The following CNTN5 variants were observed in gnomAD, a reference collection of about 807,000 sequenced individuals.
CNTN5 encodes the protein contactin-5.
CNTN5 carries 77 observed loss-of-function variants against 129.1 expected under a neutral mutation model. That is an observed-to-expected ratio of 0.60 (90% CI 0.50 to 0.72). CNTN5 has a LOEUF of 0.72. Ranked by LOEUF, CNTN5 falls within the 30% of genes least tolerant of loss-of-function variation. CNTN5 has a pLI of 0.00. For missense variants in CNTN5, 1,478 were observed against 1,328.8 expected, an observed-to-expected ratio of 1.11 and a Z score of -1.75; for synonymous variants, 509 against 465.6, an observed-to-expected ratio of 1.09 and a Z score of -1.20.
At chr11:99,544,288 G>A (rs1948215245) in intron 2 of CNTN5, among the ~76,000 whole-genome samples, 1 of 152,114 alleles carries the variant, frequency 6.6e-6, no homozygotes, top group Non-Finnish European at 1.5e-5. Context: ...CACTAGGCCC[G>A]ACTTCCAACA....
intron 2 of CNTN5, among the ~76,000 whole-genome samples, chr11:99,541,994 G>GA (rs1356299523): frequency 7.4e-6 from 1 of 135,856 alleles, no homozygotes; most frequent in Non-Finnish European, 1.6e-5. Context: ...AGAAAAGAAA[G>GA]AAATGTGGGG....
chr11:99,204,657 A>G (rs1005741792), intron 1 of CNTN5, among the ~76,000 whole-genome samples: 1 of 152,228 alleles, frequency 6.6e-6, no homozygotes, highest in African/African-American at 2.4e-5. Context: ...GAAGAGCTTA[A>G]GAGCCAGAAC....
At chr11:99,285,815 A>T (rs746283874) in intron 1 of CNTN5, among the ~76,000 whole-genome samples, 28 of 152,116 alleles carry the variant, frequency 1.8e-4, no homozygotes, top group Non-Finnish European at 4.1e-4. Context: ...ATGCAGGCAG[A>T]TCACCTGAGT....
intron 3 of CNTN5, among the ~76,000 whole-genome samples, chr11:99,718,362 G>A (rs373637436): frequency 6.6e-6 from 1 of 152,062 alleles, no homozygotes; most frequent in East Asian, 1.9e-4. Flanking sequence ...CTACAAATTT[G>A]TCTTAGCAGC....
chr11:100,071,524 A>G lies in CNTN5; in HGVS notation c.1300-181A>G, dbSNP rs753692771. 5.3e-5 allele frequency among the ~76,000 whole-genome samples: 8 copies of G among 152,332 alleles called. No homozygotes were observed. The East Asian group carries it at 1.3e-3, about 26-fold the overall frequency. On this transcript the variant is annotated intron_variant, in intron 11 of 24. Coordinates refer to ENST00000524871, the MANE Select transcript of CNTN5 (RefSeq NM_014361.4). ...TTTCTTTTTCAACCAATAAATAACTATAATTTACAAGTGGCATGTTATAAT... is the reference window on the plus strand; with the variant it reads ...TTTCTTTTTCAACCAATAAATAACTGTAATTTACAAGTGGCATGTTATAAT...
chr11:99,856,513 T>C (rs140279076), intron 6 of CNTN5, among the ~76,000 whole-genome samples: 1 of 152,280 alleles, frequency 6.6e-6, no homozygotes, highest in Non-Finnish European at 1.5e-5. Context: ...TCAGATGTGA[T>C]CAGAGTAACT....
chr11:100,045,718 A>AT (rs1360639775), intron 9 of CNTN5, among the ~76,000 whole-genome samples: 21 of 131,316 alleles, frequency 1.6e-4, no homozygotes, highest in Admixed American at 6.2e-4. Context: ...TACATTTATT[A>AT]TTAAAAAAAA....
chr11:99,865,954 G>T (rs980479762), intron 6 of CNTN5, among the ~76,000 whole-genome samples: 25 of 152,044 alleles, frequency 1.6e-4, no homozygotes, highest in African/African-American at 6.0e-4. Flanking sequence ...TATTACTGTT[G>T]TTATTTATAT....
intron 1 of CNTN5, among the ~76,000 whole-genome samples, chr11:99,237,176 A>G (rs1211143321): frequency 6.6e-6 from 1 of 152,026 alleles, no homozygotes; most frequent in African/African-American, 2.4e-5. Flanking sequence ...AAAAATATAT[A>G]TCTACTCTTT....
At chr11:99,608,744 C>T (rs1056428958) in intron 3 of CNTN5, among the ~76,000 whole-genome samples, 4 of 152,142 alleles carry the variant, frequency 2.6e-5, no homozygotes, top group African/African-American at 9.7e-5. Flanking sequence ...TAGCCCTAGT[C>T]AGCTATTACA....
chr11:99,863,241 G>A (rs904509196), intron 6 of CNTN5, among the ~76,000 whole-genome samples: 40 of 152,100 alleles, frequency 2.6e-4, no homozygotes, highest in African/African-American at 8.2e-4. Flanking sequence ...GAAAAAAGCA[G>A]ATGCTTTTCT....
chr11:99,102,713 A>G (rs1591192964), intron 1 of CNTN5, among the ~76,000 whole-genome samples: 1 of 152,182 alleles, frequency 6.6e-6, no homozygotes, highest in African/African-American at 2.4e-5. Context: ...ATTTTGGTCA[A>G]AGCCATTCAA....
chr11:100,299,231 C>A lies in CNTN5; in HGVS notation c.2455C>A (p.Arg819Ser). Residue 819 changes from arginine (R) to serine (S), a missense_variant, in exon 20 of 25, where the codon CGT (arginine) becomes AGT (serine). Transcript: ENST00000524871. ...TGTGGCTTTCAGACCCAATGGAACACGTGGCTGGAAGGAAAAAATGGTGAC... is the reference window on the plus strand; with the variant it reads ...TGTGGCTTTCAGACCCAATGGAACAAGTGGCTGGAAGGAAAAAATGGTGAC... Reference protein sequence around the residue: ...YIVAFRPNGTRGWKEKMVTSS... With the variant: ...YIVAFRPNGTSGWKEKMVTSS... 6.2e-7 allele frequency: 1 copy of A among 1,610,012 alleles called. No homozygotes were observed. Among genetic ancestry groups the A allele is most frequent in the Admixed American group, 1.7e-5 (1 of 59,624 alleles).
chr11:99,234,161 G>A (rs1053444280), intron 1 of CNTN5, among the ~76,000 whole-genome samples: 1 of 152,042 alleles, frequency 6.6e-6, no homozygotes, highest in Non-Finnish European at 1.5e-5. Context: ...TGAACTTTGA[G>A]ATATTCTTTT....
chr11:99,423,729 T>A (rs1444808166), intron 2 of CNTN5, among the ~76,000 whole-genome samples: 2 of 152,188 alleles, frequency 1.3e-5, no homozygotes, highest in African/African-American at 4.8e-5. Context: ...GATCTGAATC[T>A]CTGAATTCAC....
chr11:99,050,974 TTAA>T (rs1240775168), intron 1 of CNTN5, among the ~76,000 whole-genome samples: 2 of 151,920 alleles, frequency 1.3e-5, no homozygotes, highest in African/African-American at 4.8e-5. Flanking sequence ...AATGTGTATA[TTAA>T]TATCATCATA....
At chr11:99,771,726 G>T (rs1944952743) in intron 3 of CNTN5, among the ~76,000 whole-genome samples, 2 of 152,024 alleles carry the variant, frequency 1.3e-5, no homozygotes, top group African/African-American at 2.4e-5. Flanking sequence ...TTAATATACA[G>T]CATGTCAAGT....
At chr11:100,034,605 G>A (rs765142488) in intron 9 of CNTN5, among the ~76,000 whole-genome samples, 10 of 152,130 alleles carry the variant, frequency 6.6e-5, no homozygotes, top group Non-Finnish European at 1.5e-4. Context: ...CCATGGACTG[G>A]TCACCTGTTT....
At chr11:99,623,474 C>T (rs1430519682) in intron 3 of CNTN5, among the ~76,000 whole-genome samples, 2 of 152,042 alleles carry the variant, frequency 1.3e-5, no homozygotes, top group African/African-American at 4.8e-5. Flanking sequence ...AGGTAGCATC[C>T]ATTTTCCCAA....
Sources: allele counts gnomAD v4.1 joint callset (sites outside exome capture counted in the v4.1 genomes callset), GRCh38; gene constraint gnomAD v4.1.1; transcripts MANE v1.5; gene names NCBI Gene and HGNC (gene_info 2026-07-23, HGNC 2026-07-21).